The following LPGAT1 variants were observed in gnomAD, a reference collection of about 807,000 sequenced individuals.
LPGAT1 encodes lysophosphatidylglycerol acyltransferase 1, also known as acyl-CoA:lysophosphatidylglycerol acyltransferase 1.
A neutral mutation model predicts 47.5 loss-of-function variants in LPGAT1; 11 were observed. That is an observed-to-expected ratio of 0.23 (90% CI 0.15 to 0.38). The LOEUF (loss-of-function observed/expected upper bound fraction) is 0.38, where lower values mean the gene tolerates loss of function less well. Ranked by LOEUF, LPGAT1 falls within the 10% of genes least tolerant of loss-of-function variation. LPGAT1 has a pLI of 1.00. For missense variants in LPGAT1, 293 were observed against 439.0 expected, an observed-to-expected ratio of 0.67 and a Z score of 2.97; for synonymous variants, 138 against 144.2, an observed-to-expected ratio of 0.96 and a Z score of 0.31.
intron 2 of LPGAT1, among the ~76,000 whole-genome samples, chr1:211,827,096 T>C (rs929466256): frequency 5.3e-5 from 8 of 152,218 alleles, no homozygotes; most frequent in Admixed American, 1.3e-4. Flanking sequence ...GATCAGACTA[T>C]GACCAGGCTC....
intron 6 of LPGAT1, among the ~76,000 whole-genome samples, chr1:211,764,514 A>G (rs1332464498): frequency 6.6e-6 from 1 of 152,250 alleles, no homozygotes; most frequent in East Asian, 1.9e-4. Flanking sequence ...ATTTATGGAC[A>G]AAAACAGAAA....
At chr1:211,799,608 C>G (rs1455382805) in intron 2 of LPGAT1, among the ~76,000 whole-genome samples, 2 of 152,094 alleles carry the variant, frequency 1.3e-5, no homozygotes. Flanking sequence ...CATGATTATG[C>G]CAGGGAATAG....
Position 211,778,993 on chromosome 1 carries a change from G to C in LPGAT1, c.779C>G (p.Pro260Arg). Residue 260 changes from proline (P) to arginine (R), a missense_variant, in exon 6 of 8, where the codon CCC becomes CGC. Physicochemically the swap from Pro to Arg is moderately radical, Grantham distance 103. Coordinates refer to ENST00000366997, the MANE Select transcript of LPGAT1 (RefSeq NM_014873.3). ...TTGAATATCTATAGGTTCAGCTTTG[G>C]GATAAGCTATCGTTGTATCTATTAT... is the stretch of plus-strand genomic sequence containing the variant. ...QWIIDTTIAY[P>R]KAEPIDIQTW... The C allele has an allele frequency of 6.2e-7, 1 of 1,609,998 alleles. No individual in the cohort carries two copies. Among genetic ancestry groups the C allele is most frequent in the Non-Finnish European group, 8.5e-7 (1 of 1,178,650 alleles).
intron 2 of LPGAT1, among the ~76,000 whole-genome samples, chr1:211,827,955 C>T (rs968243644): frequency 6.6e-6 from 1 of 152,234 alleles, no homozygotes; most frequent in African/African-American, 2.4e-5. Context: ...AATACTCAGA[C>T]ATAGCAAGGG....
chr1:211,792,123 T>C (rs1264508497), intron 3 of LPGAT1: 3 of 151,660 alleles, frequency 2.0e-5, no homozygotes, highest in African/African-American at 7.2e-5. Flanking sequence ...AGATGGGGTC[T>C]TGCTGTGCTG....
chr1:211,796,994 G>A (rs1422114639), intron 2 of LPGAT1, among the ~76,000 whole-genome samples: 1 of 152,132 alleles, frequency 6.6e-6, no homozygotes, highest in Non-Finnish European at 1.5e-5. Context: ...GGTGGCTCAC[G>A]TCTATAATCC....
intron 6 of LPGAT1, among the ~76,000 whole-genome samples, chr1:211,777,367 C>G (rs932410581): frequency 1.3e-5 from 2 of 152,138 alleles, no homozygotes; most frequent in Non-Finnish European, 2.9e-5. Context: ...TGATTAAACC[C>G]TGGGAAGAAA....
In LPGAT1 at chr1:211,777,490, TATC is replaced by T. The variant is rs752400862; in HGVS notation, c.854+1425_854+1427del. ...AAAGTGATCAAAACCAAACAGGCCT[TATC>T]ATGAAGCCTATGCTTCATACAGATA... On this transcript the variant is annotated intron_variant, in intron 6 of 7. Transcript: ENST00000366997. 3.8e-4 allele frequency among the ~76,000 whole-genome samples: 58 copies of T among 152,266 alleles called. 1 individual carries two copies. Among genetic ancestry groups the T allele is most frequent in the Admixed American group, 4.6e-4 (7 of 15,294 alleles).
intron 6 of LPGAT1, among the ~76,000 whole-genome samples, chr1:211,755,616 T>C (rs1657409018): frequency 6.7e-6 from 1 of 149,726 alleles, no homozygotes; most frequent in African/African-American, 2.5e-5. Context: ...AATTTGAAAA[T>C]CACACAGGGC....
rs149669069 is a variant in LPGAT1, at chr1:211,744,679, T to G, written c.*5220A>C. On this transcript the variant is annotated 3_prime_UTR_variant, in exon 8 of 8. Transcript: ENST00000366997. ...ATCTTATTATTTGTTAATTGTGTTATATGTTCTTGCTATCAGCAAAATTTA... is the reference window on the plus strand; with the variant it reads ...ATCTTATTATTTGTTAATTGTGTTAGATGTTCTTGCTATCAGCAAAATTTA... 104 of 152,388 alleles carry G rather than the reference T, an allele frequency of 6.8e-4. No individual in the cohort carries two copies. Among genetic ancestry groups the G allele is most frequent in the African/African-American group, 2.4e-3 (100 of 41,606 alleles). 9.4% of individuals were successfully genotyped at this position (152,388 alleles called of 1,614,324 possible).
At chr1:211,813,629 T>C (rs1660073841) in intron 2 of LPGAT1, among the ~76,000 whole-genome samples, 1 of 152,246 alleles carries the variant, frequency 6.6e-6, no homozygotes. Context: ...ATTTATATAA[T>C]GCAGGTCTAC....
intron 2 of LPGAT1, among the ~76,000 whole-genome samples, chr1:211,815,087 G>A (rs534374697): frequency 4.7e-4 from 72 of 152,136 alleles, no homozygotes; most frequent in African/African-American, 1.5e-3. Context: ...TCGTCACTTC[G>A]TACTGAGATA....
chr1:211,774,740 A>G (rs923019205), intron 6 of LPGAT1, among the ~76,000 whole-genome samples: 5 of 152,220 alleles, frequency 3.3e-5, no homozygotes, highest in Non-Finnish European at 5.9e-5. Flanking sequence ...TGTTTCATAT[A>G]TAACATGTCA....
At chr1:211,795,725 C>A (rs74764618) in intron 2 of LPGAT1, among the ~76,000 whole-genome samples, 3,604 of 152,204 alleles carry the variant, frequency 0.024, 66 homozygotes, top group Non-Finnish European at 0.03. Flanking sequence ...TCCCCATATG[C>A]CCCTGTTGAC....
chr1:211,787,501 A>C, intron 4 of LPGAT1, 131 bp downstream of exon 4: 1 of 431,396 alleles, frequency 2.3e-6, no homozygotes, highest in South Asian at 4.4e-5. Flanking sequence ...AAAAAAAAAA[A>C]AAAAAAAAGC....
At chr1:211,791,748 AAAAAAAAAAAAAAAAAACAAACAAAC>A (rs1234192019) in intron 3 of LPGAT1, among the ~76,000 whole-genome samples, 2 of 131,598 alleles carry the variant, frequency 1.5e-5, no homozygotes, top group Non-Finnish European at 3.3e-5. Context: ...CTCCATCTCA[AAAAAAAAAAAAAAAAAACAAACAAAC>A]AAAAAAAAAA....
At chr1:211,797,797 T>C (rs192373834) in intron 2 of LPGAT1, among the ~76,000 whole-genome samples, 109 of 152,290 alleles carry the variant, frequency 7.2e-4, no homozygotes, top group Non-Finnish European at 1.2e-3. Flanking sequence ...CGCTGCTCTA[T>C]GAAATGAATT....
chr1:211,782,725 A>G (rs1212272511), intron 5 of LPGAT1, among the ~76,000 whole-genome samples: 2 of 152,158 alleles, frequency 1.3e-5, no homozygotes, highest in Non-Finnish European at 2.9e-5. Flanking sequence ...ACAGAGCAAG[A>G]CTGTCTCCCA....
At chr1:211,828,731 T>G (rs1660622654) in intron 2 of LPGAT1, among the ~76,000 whole-genome samples, 1 of 152,232 alleles carries the variant, frequency 6.6e-6, no homozygotes, top group African/African-American at 2.4e-5. Context: ...AGATGAAATA[T>G]CTTACATCTT....
Sources: allele counts gnomAD v4.1 joint callset (sites outside exome capture counted in the v4.1 genomes callset), GRCh38; gene constraint gnomAD v4.1.1; transcripts MANE v1.5; gene names NCBI Gene and HGNC (gene_info 2026-07-23, HGNC 2026-07-21).